MIPOL1: variants seen among roughly 807,000 people sequenced by gnomAD.
MIPOL1 encodes the protein mirror-image polydactyly gene 1 protein.
Under a neutral mutation model 60.9 loss-of-function variants are expected in MIPOL1, and 57 were observed. The observed-to-expected ratio is 0.94, with a 90% CI of 0.76 to 1.17. MIPOL1 has a LOEUF of 1.17. MIPOL1 is among the 50% of genes most tolerant of loss of function. MIPOL1 has a pLI of 0.00. For missense variants in MIPOL1, 551 were observed against 511.6 expected, an observed-to-expected ratio of 1.08 and a Z score of -0.74; for synonymous variants, 179 against 168.8, an observed-to-expected ratio of 1.06 and a Z score of -0.47.
At chr14:37,442,736 G>T (rs2094270288) in intron 11 of MIPOL1, among the ~76,000 whole-genome samples, 3 of 151,654 alleles carry the variant, frequency 2.0e-5, no homozygotes, top group African/African-American at 7.3e-5. Context: ...CTTTACAATA[G>T]CATCAAAAAG....
chr14:37,510,859 A>G (rs2095322542), intron 12 of MIPOL1, among the ~76,000 whole-genome samples: 1 of 152,114 alleles, frequency 6.6e-6, no homozygotes, highest in Non-Finnish European at 1.5e-5. Context: ...AGTTTCATAG[A>G]AAAGCATGAC....
At chr14:37,523,578 T>G (rs896824079) in intron 12 of MIPOL1, 1 of 405,010 alleles carries the variant, frequency 2.5e-6, no homozygotes, top group Non-Finnish European at 4.4e-6. Flanking sequence ...AGGTCATGAT[T>G]TAAATATTTT....
At chr14:37,198,370 C>G (rs1964678346) in intron 1 of MIPOL1, 1 of 152,124 alleles carries the variant, frequency 6.6e-6, no homozygotes, top group Non-Finnish European at 1.5e-5. Flanking sequence ...ACCTGAGCAG[C>G]TGAGCATTTA....
rs2083063840 is a variant in MIPOL1, at chr14:37,268,696, G to A, written c.290G>A (p.Cys97Tyr). ...AGACATAATGATATGCATTATGAAT[G>A]TATGACTCCTTGTCAAGTTACTTCA... is the stretch of plus-strand genomic sequence containing the variant. ...EHRHNDMHYE[C>Y]MTPCQVTSDS... The change falls in exon 5 of 13, where the codon TGT becomes TAT. Residue 97 changes from cysteine (C) to tyrosine (Y), a missense_variant. By Grantham distance (194) the Cys-to-Tyr change is radical (BLOSUM62 -2). Transcript: ENST00000684589. 3.7e-6 allele frequency: 6 copies of A among 1,602,128 alleles called. No individual in the cohort carries two copies. The East Asian group carries it at 6.7e-5, about 18-fold the overall frequency.
chr14:37,219,894 G>A (rs1023287168), intron 1 of MIPOL1, among the ~76,000 whole-genome samples: 1 of 149,720 alleles, frequency 6.7e-6, no homozygotes, highest in African/African-American at 2.4e-5. Context: ...AACTTTTAAT[G>A]TACTTATTTA....
At chr14:37,479,302 A>G (rs1459089564) in intron 11 of MIPOL1, among the ~76,000 whole-genome samples, 1 of 152,148 alleles carries the variant, frequency 6.6e-6, no homozygotes, top group Admixed American at 6.5e-5. Flanking sequence ...TGGAGCACAA[A>G]ACAAGCCTTA....
intron 1 of MIPOL1, among the ~76,000 whole-genome samples, chr14:37,213,856 C>T (rs1344130005): frequency 2.6e-5 from 4 of 152,112 alleles, no homozygotes; most frequent in East Asian, 1.9e-4. Context: ...AATGGTGCTT[C>T]GTTGTGGCTG....
intron 10 of MIPOL1, among the ~76,000 whole-genome samples, chr14:37,399,401 G>A (rs559046158): frequency 6.6e-6 from 1 of 152,242 alleles, no homozygotes; most frequent in African/African-American, 2.4e-5. Context: ...ACAGTGTACA[G>A]TATATTCTGT....
chr14:37,470,763 C>T (rs149876209), intron 11 of MIPOL1, among the ~76,000 whole-genome samples: 50 of 151,976 alleles, frequency 3.3e-4, no homozygotes, highest in Admixed American at 7.9e-4. Flanking sequence ...GAGTAGAGGA[C>T]GAGAAGCCCC....
At chr14:37,309,560 G>GTATCTGC (rs2087113904) in intron 9 of MIPOL1, among the ~76,000 whole-genome samples, 1 of 152,024 alleles carries the variant, frequency 6.6e-6, no homozygotes, top group African/African-American at 2.4e-5. Flanking sequence ...GCTGCACACT[G>GTATCTGC]TATCTGCTAT....
At chr14:37,524,863 C>T (rs1021715182) in intron 12 of MIPOL1, among the ~76,000 whole-genome samples, 1 of 151,834 alleles carries the variant, frequency 6.6e-6, no homozygotes, top group African/African-American at 2.4e-5. Context: ...CCACCGCACC[C>T]GGCCTGAAGC....
At chr14:37,440,283 A>G (rs1311369261) in intron 11 of MIPOL1, among the ~76,000 whole-genome samples, 1 of 152,234 alleles carries the variant, frequency 6.6e-6, no homozygotes, top group Non-Finnish European at 1.5e-5. Flanking sequence ...ATACATTTTT[A>G]TTATATAAAC....
chr14:37,275,910 G>A (rs900163396), intron 6 of MIPOL1, among the ~76,000 whole-genome samples: 1 of 151,018 alleles, frequency 6.6e-6, no homozygotes, highest in African/African-American at 2.4e-5. Context: ...TCAGTTTTTG[G>A]TATTTAATGC....
At chr14:37,429,369 T>C (rs1344140894) in intron 11 of MIPOL1, among the ~76,000 whole-genome samples, 1 of 152,174 alleles carries the variant, frequency 6.6e-6, no homozygotes, top group East Asian at 1.9e-4. Context: ...ATTATACATA[T>C]TATAATTAAC....
intron 7 of MIPOL1, among the ~76,000 whole-genome samples, chr14:37,306,046 C>T (rs1006103153): frequency 1.3e-5 from 2 of 151,542 alleles, no homozygotes; most frequent in Admixed American, 6.6e-5. Context: ...CTGGAATAGC[C>T]CTTGATAAGA....
At chr14:37,377,273 G>A (rs913527767) in intron 10 of MIPOL1, among the ~76,000 whole-genome samples, 1 of 152,110 alleles carries the variant, frequency 6.6e-6, no homozygotes, top group African/African-American at 2.4e-5. Flanking sequence ...CGAATCTGCA[G>A]CAGTAGGGGA....
chr14:37,368,463 T>C (rs1024518471), intron 9 of MIPOL1, among the ~76,000 whole-genome samples: 7 of 152,106 alleles, frequency 4.6e-5, no homozygotes, highest in Admixed American at 2.0e-4. Context: ...AGCTGCGTCA[T>C]GATTGTAACA....
At chr14:37,374,898 A>G (rs1193714893) in intron 10 of MIPOL1, among the ~76,000 whole-genome samples, 1 of 152,144 alleles carries the variant, frequency 6.6e-6, no homozygotes, top group Non-Finnish European at 1.5e-5. Flanking sequence ...AATTTAAAGT[A>G]GCTTTTTCTA....
At chr14:37,412,170 G>A (rs1343155671) in intron 10 of MIPOL1, among the ~76,000 whole-genome samples, 3 of 152,114 alleles carry the variant, frequency 2.0e-5, no homozygotes, top group Admixed American at 2.0e-4. Flanking sequence ...AACAATGTAT[G>A]TGGAAGCTCT....
Sources: gnomAD v4.1 joint callset for allele counts (sites outside exome capture counted in the v4.1 genomes callset) on GRCh38, gnomAD v4.1.1 for gene constraint, MANE v1.5 for transcripts, NCBI Gene and HGNC (gene_info 2026-07-23, HGNC 2026-07-21) for gene names.